The following IFNLR1 variants were observed in gnomAD, a reference collection of about 807,000 sequenced individuals.
IFNLR1 encodes CRF2-12.
IFNLR1 carries 28 observed loss-of-function variants against 52.5 expected under a neutral mutation model. That is an observed-to-expected ratio of 0.53 (90% confidence interval 0.40 to 0.73). The LOEUF (loss-of-function observed/expected upper bound fraction) is 0.73, where lower values mean the gene tolerates loss of function less well. Ranked by LOEUF, IFNLR1 falls within the 30% of genes least tolerant of loss-of-function variation. IFNLR1 has a pLI of 0.00. For missense variants in IFNLR1, 623 were observed against 659.1 expected (o/e 0.95, Z 0.60); for synonymous variants, 276 against 274.9 (o/e 1.00, Z -0.04).
rs1185549444 is a variant in IFNLR1 at position 24,157,870 on chromosome 1, G to T, written c.823C>A (p.Pro275Thr). 6.3e-7 allele frequency: 1 copy of T among 1,592,902 alleles called. No individual in the cohort carries two copies. The highest frequency in any genetic ancestry group is 8.5e-7 in the Non-Finnish European group (1 of 1,170,782). The change falls in exon 7 of 7, where the codon CCT becomes ACT. Residue 275 changes from proline (P) to threonine (T), a missense_variant. Transcript: ENST00000327535. This position sits in a 1 kb window ranked among gnomAD's most constrained non-coding sequence, Gnocchi z 5.1. ...RALDFSGHTH[P>T]VATFQPSRPE... is the part of the protein sequence containing the mutation. ...CTGCTGGGCTGAAAGGTTGCCACAG[G>T]GTGTGTGTGTCCAGAAAAGTCCTGA...
chr1:24,169,488 C>T lies in IFNLR1; in HGVS notation c.296G>A (p.Arg99His), dbSNP rs766472752. 7.4e-6 allele frequency: 12 copies of T among 1,614,202 alleles called. No homozygotes were observed. The highest frequency in any genetic ancestry group is 4.5e-5 in the East Asian group (2 of 44,884). The change falls in exon 3 of 7, where the codon CGC becomes CAC. Residue 99 changes from arginine to histidine, a missense_variant. Arg to His is a conservative substitution (Grantham distance 29). Transcript: ENST00000327535. ...KQDLYNKFKG[R>H]VRTVSPSSKS... The stretch of plus-strand genomic sequence containing the variant: ...GGAGCTGGGAGAAACCGTCCGCACG[C>T]GTCCCTTGAACTTGTTGTACAGGTC...
At chr1:24,158,332 A>C (rs559079209) in intron 6 of IFNLR1, among the ~76,000 whole-genome samples, 1 of 152,300 alleles carries the variant, frequency 6.6e-6, no homozygotes, top group South Asian at 2.1e-4. Flanking sequence ...GTGTGCTCTT[A>C]ACAGGAAGGC....
At chr1:24,158,974 G>A in intron 6 of IFNLR1, 78 bp downstream of exon 6, 1 of 1,437,526 alleles carries the variant, frequency 7.0e-7, no homozygotes. Context: ...TATTCTATCT[G>A]AACAACTCAT....
intron 1 of IFNLR1, among the ~76,000 whole-genome samples, chr1:24,183,225 A>C (rs907674180): frequency 3.9e-5 from 6 of 152,084 alleles, no homozygotes; most frequent in Non-Finnish European, 7.4e-5. Flanking sequence ...TTACATTCTC[A>C]TTTTGATTTA....
chr1:24,167,083 G>A (rs72648598), intron 3 of IFNLR1, among the ~76,000 whole-genome samples: 32,991 of 152,156 alleles, frequency 0.22, 3,907 homozygotes, highest in East Asian at 0.5. Flanking sequence ...AAATGGAGGA[G>A]GAATGGCACA....
At chr1:24,166,588 C>T (rs1012442241) in intron 3 of IFNLR1, among the ~76,000 whole-genome samples, 10 of 152,022 alleles carry the variant, frequency 6.6e-5, no homozygotes, top group African/African-American at 1.5e-4. Context: ...GCTCTGTCAC[C>T]GAGGCTGGAA....
At position 24,159,691 on chromosome 1, in the gene IFNLR1, C is replaced by G. The variant is rs1156481369; in HGVS notation, c.511-58G>C. On this transcript the variant is annotated intron_variant, in intron 4 of 6. Coordinates refer to ENST00000327535, the MANE Select transcript of IFNLR1 (RefSeq NM_170743.4). ...TGCTGTGGGGACTGGTTTCACACAGCCAGGACAGAGTGGGGTTGGCAGACA... is the reference window on the plus strand; with the variant it reads ...TGCTGTGGGGACTGGTTTCACACAGGCAGGACAGAGTGGGGTTGGCAGACA... The G allele has an allele frequency of 7.0e-5, 103 of 1,465,328 alleles. 1 individual carries two copies. The Admixed American group carries it at 1.8e-3, about 26-fold the overall frequency. The allele number at this position is 1,465,328 out of a possible 1,614,324, so 90.8% of individuals were successfully genotyped here.
chr1:24,180,906 T>G, intron 1 of IFNLR1, 52 bp from the exon 2 acceptor site: 1 of 1,588,590 alleles, frequency 6.3e-7, no homozygotes, highest in Non-Finnish European at 8.5e-7. Context: ...TGGTCTTGAC[T>G]CAGGCCATCC....
chr1:24,163,110 G>A (rs1298556632), intron 3 of IFNLR1, among the ~76,000 whole-genome samples: 4 of 151,008 alleles, frequency 2.6e-5, no homozygotes, highest in Admixed American at 1.3e-4. Context: ...ACAGGCGCCC[G>A]CCACCACTCC....
At chr1:24,166,198 C>T (rs1051271525) in intron 3 of IFNLR1, among the ~76,000 whole-genome samples, 1 of 151,368 alleles carries the variant, frequency 6.6e-6, no homozygotes, top group Non-Finnish European at 1.5e-5. Flanking sequence ...TCCATCCATC[C>T]ATCCATCCTT....
intron 3 of IFNLR1, among the ~76,000 whole-genome samples, chr1:24,168,708 TA>T (rs1338495290): frequency 2.0e-5 from 3 of 151,842 alleles, no homozygotes; most frequent in Non-Finnish European, 4.4e-5. Flanking sequence ...CTACAGTGTA[TA>T]GAAAATACTT....
chr1:24,179,996 G>C (rs1019770209), intron 2 of IFNLR1, among the ~76,000 whole-genome samples: 5 of 152,168 alleles, frequency 3.3e-5, no homozygotes, highest in Admixed American at 3.3e-4. Flanking sequence ...TGATCCCATC[G>C]GGAAAAGTGT....
At chr1:24,161,453 G>T in intron 4 of IFNLR1, 89 bp downstream of exon 4, 1 of 1,439,544 alleles carries the variant, frequency 6.9e-7, no homozygotes, top group Non-Finnish European at 9.6e-7. Context: ...GAGGAGGGGT[G>T]CAGGAGCAGG....
At chr1:24,170,827 A>G (rs1277239567) in intron 2 of IFNLR1, among the ~76,000 whole-genome samples, 1 of 152,212 alleles carries the variant, frequency 6.6e-6, no homozygotes, top group Non-Finnish European at 1.5e-5. Context: ...GAATGTGGGG[A>G]AAAGGAGAAT....
chr1:24,174,791 A>T (rs1644615669), intron 2 of IFNLR1, among the ~76,000 whole-genome samples: 1 of 152,166 alleles, frequency 6.6e-6, no homozygotes, highest in Non-Finnish European at 1.5e-5. Flanking sequence ...GTGAGAGAAG[A>T]GATATATGAA....
intron 1 of IFNLR1, among the ~76,000 whole-genome samples, chr1:24,185,410 C>T (rs1350869147): frequency 2.0e-5 from 3 of 152,152 alleles, no homozygotes; most frequent in Non-Finnish European, 2.9e-5. Context: ...TCATTCCTGC[C>T]CTATAGGAGC....
chr1:24,180,313 G>T (rs1327891769), intron 2 of IFNLR1, among the ~76,000 whole-genome samples: 1 of 136,648 alleles, frequency 7.3e-6, no homozygotes, highest in Non-Finnish European at 1.6e-5. Context: ...AAAAAAAAAA[G>T]AGAAAAAAAG....
At chr1:24,179,545 A>G (rs1406497882) in intron 2 of IFNLR1, among the ~76,000 whole-genome samples, 1 of 152,180 alleles carries the variant, frequency 6.6e-6, no homozygotes, top group African/African-American at 2.4e-5. Flanking sequence ...TCACATGTGG[A>G]TTCCACACAT....
Position 24,181,394 on chromosome 1 carries a change from C to T in IFNLR1, c.59-540G>A, listed in dbSNP as rs1283525818. Among the ~76,000 whole-genome samples, 7 of 152,220 alleles carry T rather than the reference C, an allele frequency of 4.6e-5. No individual in the cohort carries two copies. In the East Asian group the frequency reaches 1.2e-3, roughly 25 times the overall value. ...AGCCAGTGGCCAGAGATAAGAACTT[C>T]GAGGCATCTCTCCCTCCCGGCAAAC... On this transcript the variant is annotated intron_variant, in intron 1 of 6. Coordinates refer to ENST00000327535, the MANE Select transcript of IFNLR1 (RefSeq NM_170743.4).
Sources: gnomAD v4.1 joint callset for allele counts (sites outside exome capture counted in the v4.1 genomes callset) on GRCh38, gnomAD v4.1.1 for gene constraint, Gnocchi (gnomAD v3.1) non-coding constraint, MANE v1.5 for transcripts, NCBI Gene and HGNC (gene_info 2026-07-23, HGNC 2026-07-21) for gene names.